The following ANKFN1 variants were observed in gnomAD, a reference collection of about 807,000 sequenced individuals.
The protein encoded by ANKFN1 is ankyrin repeat and fibronectin type III domain containing 1, also known as ankyrin repeat and fibronectin type-III domain-containing protein 1.
A neutral mutation model predicts 108.7 loss-of-function variants in ANKFN1; 74 were observed. That is an observed-to-expected ratio of 0.68 (90% CI 0.56 to 0.83). The LOEUF is 0.83. Among genes scored for constraint, ANKFN1 ranks in the 40% least tolerant of loss-of-function variants. The pLI is 0.00. For missense variants in ANKFN1, 1,505 were observed against 1,382.3 expected, an observed-to-expected ratio of 1.09 and a Z score of -1.41; for synonymous variants, 547 against 516.2, an observed-to-expected ratio of 1.06 and a Z score of -0.81.
intron 8 of ANKFN1, among the ~76,000 whole-genome samples, chr17:56,431,052 G>A (rs965950841): frequency 1.3e-5 from 2 of 152,150 alleles, no homozygotes; most frequent in Non-Finnish European, 2.9e-5. Context: ...AAGGAGTCTG[G>A]CATGTTTCAG....
At chr17:56,143,171 G>A (rs937316363) in intron 4 of ANKFN1, among the ~76,000 whole-genome samples, 1 of 152,162 alleles carries the variant, frequency 6.6e-6, no homozygotes, top group African/African-American at 2.4e-5. Flanking sequence ...GGCCAAGTTT[G>A]GGGGCTTCAC....
chr17:56,451,108 G>A (rs1568011621), intron 11 of ANKFN1, among the ~76,000 whole-genome samples: 1 of 152,116 alleles, frequency 6.6e-6, no homozygotes, highest in Admixed American at 6.5e-5. Flanking sequence ...CCAATAATAT[G>A]CTCAGCTGAA....
rs536216118 is a variant in ANKFN1 at position 56,208,915 on chromosome 17, G to A, written c.-70-3683G>A. ...TTATTTTTTTTTAAGACAGAGTCTC[G>A]CTCTGTCACCAGGCTAGAGTAGCAC... On this transcript the variant is annotated intron_variant, in intron 1 of 20. Coordinates refer to ENST00000682825, the MANE Select transcript of ANKFN1 (RefSeq NM_001370326.1). 9.6e-4 allele frequency among the ~76,000 whole-genome samples: 145 copies of A among 151,612 alleles called. 1 individual carries two copies. The highest frequency in any genetic ancestry group is 3.3e-3 in the African/African-American group (135 of 41,308).
rs1568024401 is a variant in ANKFN1, at chr17:56,466,417, G to A, written c.1619G>A (p.Gly540Glu). ...TATGAGCCCATTAAAGATCGACATG[G>A]AAACATACTCATAGTCACCATCAGG... ...VYYEPIKDRH[G>E]NILIVTIREV... The change falls in exon 15 of 21, where the codon GGA (glycine) becomes GAA (glutamate). Residue 540 changes from glycine (G) to glutamate (E), a missense_variant. Gly to Glu is a moderately conservative substitution (Grantham distance 98). Coordinates refer to ENST00000682825, the MANE Select transcript of ANKFN1 (RefSeq NM_001370326.1). 4 of 1,614,122 alleles carry A rather than the reference G, an allele frequency of 2.5e-6. No individual in the cohort carries two copies. The highest frequency in any genetic ancestry group is 2.5e-6 in the Non-Finnish European group (3 of 1,180,026).
intron 11 of ANKFN1, among the ~76,000 whole-genome samples, chr17:56,450,683 C>G (rs1212543868): frequency 6.6e-6 from 1 of 152,152 alleles, no homozygotes; most frequent in Admixed American, 6.6e-5. Context: ...ACATCCCTGC[C>G]CATTGGTTCC....
chr17:56,301,153 G>A (rs2144367830), intron 3 of ANKFN1, among the ~76,000 whole-genome samples: 1 of 152,276 alleles, frequency 6.6e-6, no homozygotes, highest in South Asian at 2.1e-4. Flanking sequence ...GATATCCACA[G>A]TGCAGGCAGA....
At chr17:56,215,649 T>C (rs1384396705) in intron 2 of ANKFN1, 1 of 152,252 alleles carries the variant, frequency 6.6e-6, no homozygotes, top group Non-Finnish European at 1.5e-5. Flanking sequence ...GCAAAACTAG[T>C]TGGGCACAGA....
chr17:56,250,417 G>A (rs375247644), intron 3 of ANKFN1, among the ~76,000 whole-genome samples: 7 of 152,188 alleles, frequency 4.6e-5, no homozygotes, highest in African/African-American at 1.4e-4. Context: ...GGAAGGTGAT[G>A]GCATACTTGC....
At position 56,311,148 on chromosome 17, in the gene ANKFN1, C is replaced by T. The variant is rs368507617; in HGVS notation, c.54-15073C>T. On this transcript the variant is annotated intron_variant, in intron 3 of 20. Coordinates refer to ENST00000682825, the MANE Select transcript of ANKFN1 (RefSeq NM_001370326.1). The stretch of plus-strand genomic sequence containing the variant: ...ATAATATTTCTCTCTCTCTCTCGCT[C>T]ACTCTCTCTCTCGTGTGTTTGTGTG... Among the ~76,000 whole-genome samples the T allele has an allele frequency of 2.1e-4, 31 of 150,944 alleles. 2 individuals carry two copies. Among genetic ancestry groups the T allele is most frequent in the African/African-American group, 7.1e-4 (29 of 41,042 alleles).
chr17:56,454,350 T>G (rs902706790), intron 11 of ANKFN1, among the ~76,000 whole-genome samples: 1 of 152,220 alleles, frequency 6.6e-6, no homozygotes, highest in Admixed American at 6.5e-5. Context: ...GATGCAAGTC[T>G]TCTCTTACTT....
At chr17:56,069,697 G>A (rs1352407276) in intron 4 of ANKFN1, among the ~76,000 whole-genome samples, 2 of 152,094 alleles carry the variant, frequency 1.3e-5, no homozygotes, top group Non-Finnish European at 2.9e-5. Context: ...TATTGGAAAG[G>A]GACCTGGATC....
At chr17:56,283,352 C>T (rs1176721410) in intron 3 of ANKFN1, among the ~76,000 whole-genome samples, 2 of 151,982 alleles carry the variant, frequency 1.3e-5, no homozygotes, top group Non-Finnish European at 2.9e-5. Context: ...GAAAGTAGAA[C>T]TACCATTTGA....
rs141218215 is a variant in ANKFN1 at position 56,108,318 on chromosome 17, G to A, written c.288+61993G>A. 8.5e-4 allele frequency among the ~76,000 whole-genome samples: 130 copies of A among 152,326 alleles called. 1 individual carries two copies. The highest frequency in any genetic ancestry group is 2.8e-3 in the African/African-American group (117 of 41,582). On this transcript the variant is annotated intron_variant, in intron 4 of 12. Transcript: ENST00000635860. ...CAAAGTGCTGGGATTACAGGTGTGA[G>A]CCACGGCGCCTGGCCTCCCATAGCA... is the stretch of plus-strand genomic sequence containing the variant.
chr17:56,169,123 G>C (rs1910418351), intron 1 of ANKFN1, among the ~76,000 whole-genome samples: 1 of 152,122 alleles, frequency 6.6e-6, no homozygotes, highest in Non-Finnish European at 1.5e-5. Flanking sequence ...TCATCTGAAG[G>C]CCTGGCCCTG....
intron 10 of ANKFN1, among the ~76,000 whole-genome samples, chr17:56,445,770 T>C (rs1350513155): frequency 6.6e-6 from 1 of 152,180 alleles, no homozygotes; most frequent in Non-Finnish European, 1.5e-5. Context: ...TACAGACTTA[T>C]GTTATATGGT....
chr17:56,391,066 T>C (rs2144874155), intron 8 of ANKFN1, among the ~76,000 whole-genome samples: 1 of 151,500 alleles, frequency 6.6e-6, no homozygotes, highest in African/African-American at 2.4e-5. Context: ...TGACCATCAC[T>C]GCATGTTTCA....
intron 15 of ANKFN1, among the ~76,000 whole-genome samples, chr17:56,475,082 G>A (rs993825088): frequency 6.6e-6 from 1 of 152,032 alleles, no homozygotes; most frequent in Non-Finnish European, 1.5e-5. Flanking sequence ...TTTTCCACAT[G>A]TTGTGTACCT....
intron 7 of ANKFN1, among the ~76,000 whole-genome samples, chr17:56,373,104 T>C (rs1362906619): frequency 6.6e-6 from 1 of 152,200 alleles, no homozygotes; most frequent in Non-Finnish European, 1.5e-5. Context: ...TCTAGCACTT[T>C]CCATCCGCTA....
chr17:56,382,903 A>G (rs2047148765), intron 8 of ANKFN1, among the ~76,000 whole-genome samples: 1 of 152,208 alleles, frequency 6.6e-6, no homozygotes, highest in Non-Finnish European at 1.5e-5. Flanking sequence ...CCCCACTGTC[A>G]ACATTAGAAA....
Sources: allele counts gnomAD v4.1 joint callset (sites outside exome capture counted in the v4.1 genomes callset), GRCh38; gene constraint gnomAD v4.1.1; transcripts MANE v1.5; gene names NCBI Gene and HGNC (gene_info 2026-07-23, HGNC 2026-07-21).